RPTOR: variants seen among roughly 807,000 people sequenced by gnomAD.
The protein encoded by RPTOR is regulatory associated protein of MTOR complex 1, also known as regulatory-associated protein of mTOR.
Under a neutral mutation model 169.9 loss-of-function variants are expected in RPTOR, and 21 were observed. The observed-to-expected ratio is 0.12, with a 90% CI of 0.09 to 0.18. The LOEUF (loss-of-function observed/expected upper bound fraction) is 0.18. Among genes scored for constraint, RPTOR ranks in the 10% least tolerant of loss-of-function variants. RPTOR has a pLI of 1.00. For synonymous variants in RPTOR, 732 were observed against 753.2 expected (o/e 0.97, Z 0.46); for missense variants, 1,133 against 1,855.9 (o/e 0.61, Z 7.16).
At chr17:80,715,003 G>A (rs961052316) in intron 4 of RPTOR, among the ~76,000 whole-genome samples, 3 of 152,218 alleles carry the variant, frequency 2.0e-5, no homozygotes, top group Non-Finnish European at 2.9e-5. Context: ...GATTACAGGC[G>A]TGAGCTACTG....
intron 28 of RPTOR, 24 bp downstream of exon 28, chr17:80,949,571 A>G (rs372605361): frequency 6.9e-6 from 11 of 1,591,836 alleles, no homozygotes; most frequent in African/African-American, 1.3e-5. Flanking sequence ...GCTCCTCCCC[A>G]GAGCAGAATG....
chr17:80,857,958 T>G, intron 13 of RPTOR, 58 bp downstream of exon 13: 1 of 1,325,536 alleles, frequency 7.5e-7, no homozygotes, highest in Non-Finnish European at 1.1e-6. Context: ...CTTCTGGGGA[T>G]GCCGAGCCCT....
At chr17:80,831,826 C>G (rs1261806671) in intron 9 of RPTOR, among the ~76,000 whole-genome samples, 1 of 115,204 alleles carries the variant, frequency 8.7e-6, no homozygotes, top group African/African-American at 3.6e-5. Flanking sequence ...ACCATGTATC[C>G]CTGTGTGTCA....
intron 9 of RPTOR, among the ~76,000 whole-genome samples, chr17:80,829,727 TCCTC>T (rs1418116888): frequency 6.6e-6 from 1 of 152,208 alleles, no homozygotes; most frequent in Non-Finnish European, 1.5e-5. Context: ...CCACTCTTCT[TCCTC>T]AGCCCCTCCT....
At chr17:80,835,953 A>G (rs1598340974) in intron 9 of RPTOR, among the ~76,000 whole-genome samples, 1 of 152,060 alleles carries the variant, frequency 6.6e-6, no homozygotes, top group African/African-American at 2.4e-5. Flanking sequence ...TGGCGGGGCC[A>G]CAGCAGCTGC....
Position 80,668,533 on chromosome 17 carries a change from C to T in RPTOR, c.348+24723C>T, listed in dbSNP as rs1274772498. On this transcript the variant is annotated intron_variant, in intron 3 of 33. Coordinates refer to ENST00000306801, the MANE Select transcript of RPTOR (RefSeq NM_020761.3). Reference sequence around the variant, plus strand: ...TCTGGAGAAAGGACCTCCTCACAAGCAGACAGCAAAATAAAACAATGACCA... The same window carrying T: ...TCTGGAGAAAGGACCTCCTCACAAGTAGACAGCAAAATAAAACAATGACCA... Among the ~76,000 whole-genome samples, 4 of 152,200 alleles carry T rather than the reference C, an allele frequency of 2.6e-5. No individual in the cohort carries two copies. The East Asian group carries it at 7.7e-4, about 29-fold the overall frequency.
intron 1 of RPTOR, among the ~76,000 whole-genome samples, chr17:80,614,630 G>T (rs919174602): frequency 6.6e-6 from 1 of 152,234 alleles, no homozygotes; most frequent in South Asian, 2.1e-4. Flanking sequence ...AAAATATTTC[G>T]GGCAATTAGA....
chr17:80,873,269 G>A (rs1410029255), intron 13 of RPTOR, among the ~76,000 whole-genome samples: 2 of 152,084 alleles, frequency 1.3e-5, no homozygotes, highest in African/African-American at 2.4e-5. Context: ...ACTACTCACC[G>A]CAGACAGAGC....
chr17:80,948,267 G>T (rs1188069643), intron 27 of RPTOR, among the ~76,000 whole-genome samples: 1 of 152,244 alleles, frequency 6.6e-6, no homozygotes, highest in African/African-American at 2.4e-5. Flanking sequence ...ACGCGGTTGC[G>T]GGCTCCTGGT....
intron 2 of RPTOR, among the ~76,000 whole-genome samples, chr17:80,639,207 C>T (rs1353128940): frequency 6.6e-6 from 1 of 151,260 alleles, no homozygotes; most frequent in East Asian, 1.9e-4. Flanking sequence ...GGCTACACAA[C>T]TAATGAGTGG....
chr17:80,711,672 T>A (rs2066191697), intron 4 of RPTOR, among the ~76,000 whole-genome samples: 1 of 151,842 alleles, frequency 6.6e-6, no homozygotes, highest in Non-Finnish European at 1.5e-5. Flanking sequence ...TGACATTGAC[T>A]TTTTAAATGA....
intron 21 of RPTOR, among the ~76,000 whole-genome samples, chr17:80,910,975 C>CG (rs1221787295): frequency 6.6e-6 from 1 of 152,048 alleles, no homozygotes. Context: ...GGACTACAGG[C>CG]GTGAGCCACC....
chr17:80,707,762 C>T lies in RPTOR; in HGVS notation c.349-79C>T. The stretch of plus-strand genomic sequence containing the variant: ...ACCACACAGCTATTAACTGCAAACC[C>T]AGAGGAAAGGGTAGGGGATGAGTTC... On this transcript the variant is annotated intron_variant, in intron 3 of 33. Coordinates refer to ENST00000306801, the MANE Select transcript of RPTOR (RefSeq NM_020761.3). This position sits in a 1 kb window ranked among gnomAD's most constrained non-coding sequence, Gnocchi z 5.0. 2 of 1,416,974 alleles carry T rather than the reference C, an allele frequency of 1.4e-6. No individual in the cohort carries two copies. The highest frequency in any genetic ancestry group is 2.8e-5 in the African/African-American group (2 of 70,630). 87.8% of individuals were successfully genotyped at this position (1,416,974 alleles called of 1,614,324 possible).
At position 80,960,057 on chromosome 17, in the gene RPTOR, GC is replaced by G; in HGVS notation, c.3478-20del. 1 of 1,612,314 alleles carries G rather than the reference GC, an allele frequency of 6.2e-7. No individual in the cohort carries two copies. Among genetic ancestry groups the G allele is most frequent in the East Asian group, 2.2e-5 (1 of 44,858 alleles). ...GGCTCGGTGCCCCGGTCTTCACCGGGCTGCCTGTGTTTGGCTCTAGGACATC... is the reference window on the plus strand; with the variant it reads ...GGCTCGGTGCCCCGGTCTTCACCGGGTGCCTGTGTTTGGCTCTAGGACATC... On this transcript the variant is annotated intron_variant, in intron 29 of 33. Coordinates refer to ENST00000306801, the MANE Select transcript of RPTOR (RefSeq NM_020761.3). The surrounding 1 kb of genome is among the most constrained non-coding windows in gnomAD (Gnocchi z 4.8).
intron 7 of RPTOR, among the ~76,000 whole-genome samples, chr17:80,818,499 A>G (rs533789609): frequency 6.6e-6 from 1 of 152,302 alleles, no homozygotes; most frequent in South Asian, 2.1e-4. Flanking sequence ...CAGGTACAGA[A>G]AGGAAATCAG....
rs960192020 is a variant in RPTOR at position 80,844,511 on chromosome 17, AT to A, written c.1213-1953del. Among the ~76,000 whole-genome samples the A allele has an allele frequency of 5.3e-5, 8 of 151,732 alleles. No homozygotes were observed. Among genetic ancestry groups the A allele is most frequent in the African/African-American group, 7.3e-5 (3 of 41,270 alleles). On this transcript the variant is annotated intron_variant, in intron 10 of 33. Transcript: ENST00000306801. This position sits in a 1 kb window ranked among gnomAD's most constrained non-coding sequence, Gnocchi z 4.7. ...TGTGGAGGAGGGGGTACTTAACGAG[AT>A]TTTTTTTTAACCAATTTATGAATAA...
At chr17:80,686,835 C>T (rs1209311969) in intron 3 of RPTOR, among the ~76,000 whole-genome samples, 1 of 152,138 alleles carries the variant, frequency 6.6e-6, no homozygotes, top group Non-Finnish European at 1.5e-5. Context: ...GGCTGTTGGA[C>T]CTGGGACCCT....
chr17:80,613,533 TC>T (rs1243163818), intron 1 of RPTOR, among the ~76,000 whole-genome samples: 9 of 152,272 alleles, frequency 5.9e-5, no homozygotes, highest in African/African-American at 2.2e-4. Context: ...ATGGACACTT[TC>T]AAGAACTAAC....
intron 21 of RPTOR, among the ~76,000 whole-genome samples, chr17:80,912,195 G>A (rs1266516878): frequency 3.3e-5 from 5 of 152,132 alleles, no homozygotes; most frequent in African/African-American, 1.2e-4. Flanking sequence ...AGAATTGATG[G>A]CCAGTTCGCG....
Sources: gnomAD v4.1 joint callset for allele counts (sites outside exome capture counted in the v4.1 genomes callset) on GRCh38, gnomAD v4.1.1 for gene constraint, Gnocchi (gnomAD v3.1) non-coding constraint, MANE v1.5 for transcripts, NCBI Gene and HGNC (gene_info 2026-07-23, HGNC 2026-07-21) for gene names.